Variants in GSDMD observed in about 807,000 individuals in gnomAD.
GSDMD encodes the protein gasdermin D.
GSDMD carries 46 observed loss-of-function variants against 46.7 expected under a neutral mutation model. The ratio of observed to expected loss-of-function variants is 0.99; its 90% CI spans 0.78 to 1.26. The LOEUF (loss-of-function observed/expected upper bound fraction) is 1.26. GSDMD is among the 50% of genes most tolerant of loss of function. The pLI is 0.00. For synonymous variants in GSDMD, 307 were observed against 283.1 expected, an observed-to-expected ratio of 1.08 and a Z score of -0.85; for missense variants, 649 against 638.8, an observed-to-expected ratio of 1.02 and a Z score of -0.17.
upstream of GSDMD, among the ~76,000 whole-genome samples, chr8:143,557,243 T>A (rs1340270408): frequency 6.6e-6 from 1 of 152,222 alleles, no homozygotes; most frequent in Non-Finnish European, 1.5e-5. Flanking sequence ...TGGCCATGTT[T>A]AGTCTATGCA....
Position 143,561,821 on chromosome 8 carries a change from C to T in GSDMD, c.816C>T (p.Phe272=). The change falls in exon 7 of 11, where the codon TTC becomes TTT. Residue 272 remains phenylalanine (F), a synonymous_variant. Transcript: ENST00000262580. The part of the protein sequence containing the change: ...GLSMMRCLHN[F]LTDGVPAEGA... ...CCATGATGAGGTGCCTCCACAACTTCCTGACAGGTCAGTGCCCTCCTGACC... is the reference window on the plus strand; with the variant it reads ...CCATGATGAGGTGCCTCCACAACTTTCTGACAGGTCAGTGCCCTCCTGACC... 1.2e-6 allele frequency: 2 copies of T among 1,610,892 alleles called. No homozygotes were observed. The highest frequency in any genetic ancestry group is 1.7e-6 in the Non-Finnish European group (2 of 1,178,992).
upstream of GSDMD, among the ~76,000 whole-genome samples, chr8:143,556,792 G>A (rs888544136): frequency 1.3e-5 from 2 of 152,254 alleles, no homozygotes; most frequent in Non-Finnish European, 1.5e-5. Context: ...AGCCTGTGCC[G>A]AGACTAGGTG....
intron 3 of GSDMD, 147 bp from the exon 4 acceptor site, chr8:143,560,456 A>T (rs7831485): frequency 1.3e-6 from 1 of 772,048 alleles, no homozygotes; most frequent in South Asian, 1.8e-5. Context: ...CGTGGGGAGC[A>T]CACGGAGAGG....
chr8:143,561,986 C>T lies in GSDMD; in HGVS notation c.851C>T (p.Thr284Ile). ...GGGGTCCCTGCGGAGGGGGCGTTCA[C>T]TGAAGACTTCCAGGGCCTACGGGCA... Reference protein sequence around the residue: ...TDGVPAEGAFTEDFQGLRAEV... With the variant: ...TDGVPAEGAFIEDFQGLRAEV... Residue 284 changes from threonine to isoleucine, a missense_variant, in exon 8 of 11, where the codon ACT becomes ATT. Transcript: ENST00000262580. 1.9e-6 allele frequency: 3 copies of T among 1,608,068 alleles called. No homozygotes were observed. Among genetic ancestry groups the T allele is most frequent in the Non-Finnish European group, 2.5e-6 (3 of 1,178,694 alleles).
In GSDMD at chr8:143,560,632, T is replaced by C; in HGVS notation, c.440T>C (p.Leu147Pro). The change falls in exon 4 of 11, where the codon CTG becomes CCG. Residue 147 changes from leucine (L) to proline (P), a missense_variant. Coordinates refer to ENST00000262580, the MANE Select transcript of GSDMD (RefSeq NM_024736.7). ...CTGCGGCAGCCAGAACACAAAGTCC[T>C]GCAGCAGCTGCGCAGCCGCGGGGAC... ...RHLRQPEHKV[L>P]QQLRSRGDNV... The C allele has an allele frequency of 6.3e-7, 1 of 1,589,646 alleles. No individual in the cohort carries two copies. The highest frequency in any genetic ancestry group is 1.1e-5 in the South Asian group (1 of 87,824).
At chr8:143,562,163 G>A in intron 8 of GSDMD, 32 bp downstream of exon 8, 5 of 1,595,954 alleles carry the variant, frequency 3.1e-6, no homozygotes, top group Non-Finnish European at 2.5e-6. Context: ...GGGCACACAA[G>A]GCCTGCCCAG....
rs201583128 is a variant in GSDMD, at chr8:143,561,371, C to T, written c.684C>T (p.Asp228=). The T allele has an allele frequency of 5.9e-5, 95 of 1,608,104 alleles. No individual in the cohort carries two copies. The Middle Eastern group carries it at 1.2e-3, about 20-fold the overall frequency. Residue 228 remains aspartate (D), a splice_region_variant and synonymous_variant, in exon 6 of 11, where the codon GAC becomes GAT. Coordinates refer to ENST00000262580, the MANE Select transcript of GSDMD (RefSeq NM_024736.7). The part of the protein sequence containing the change: ...VAQLVIDSDL[D]VLLFPDKKQR... Reference sequence around the variant, plus strand: ...TGTCTGCTCCCGTCTGGCTGCCAGACGTCCTTCTCTTCCCGGATAAGAAGC... The same window carrying T: ...TGTCTGCTCCCGTCTGGCTGCCAGATGTCCTTCTCTTCCCGGATAAGAAGC...
Position 143,559,768 on chromosome 8 carries a change from T to C in GSDMD, c.218-9T>C, listed in dbSNP as rs1289624730. 10 of 1,582,870 alleles carry C rather than the reference T, an allele frequency of 6.3e-6. No individual in the cohort carries two copies. The African/African-American group carries it at 1.3e-4, about 21-fold the overall frequency. On this transcript the variant is annotated splice_polypyrimidine_tract_variant and intron_variant, in intron 2 of 10. Transcript: ENST00000262580. ...GCTGGGCACAGCCTCAGGTCTGGCC[T>C]TGCTTTAGACGTGCAGCGTGGCAGG... is the stretch of plus-strand genomic sequence containing the variant.
rs1823494840 is a variant in GSDMD at position 143,562,659 on chromosome 8, C to G, written c.1213-3C>G. On this transcript the variant is annotated splice_region_variant and splice_polypyrimidine_tract_variant and intron_variant, in intron 10 of 10. Transcript: ENST00000262580. Reference sequence around the variant, plus strand: ...CTGACTCACTCCTGCCCTGTCTTGGCAGGTGGGCAGCCTCTTGGAGCAGAG... The same window carrying G: ...CTGACTCACTCCTGCCCTGTCTTGGGAGGTGGGCAGCCTCTTGGAGCAGAG... 1 of 1,606,156 alleles carries G rather than the reference C, an allele frequency of 6.2e-7. No homozygotes were observed. Among genetic ancestry groups the G allele is most frequent in the Non-Finnish European group, 8.5e-7 (1 of 1,177,746 alleles).
intron 6 of GSDMD, 124 bp downstream of exon 6, chr8:143,561,547 C>A: frequency 9.7e-7 from 1 of 1,031,268 alleles, no homozygotes. Flanking sequence ...AGGCGGTGGG[C>A]ACCCCCCATA....
Position 143,562,049 on chromosome 8 carries a change from A to G in GSDMD, c.914A>G (p.Asp305Gly). Residue 305 changes from aspartate (D) to glycine (G), a missense_variant, in exon 8 of 11, where the codon GAC becomes GGC. Coordinates refer to ENST00000262580, the MANE Select transcript of GSDMD (RefSeq NM_024736.7). The stretch of plus-strand genomic sequence containing the variant: ...ATCTCCAAGGAACTGGAGCTTTTGG[A>G]CAGAGAGCTGTGCCAGCTGCTGCTG... ...ETISKELELL[D>G]RELCQLLLEG... is the part of the protein sequence containing the mutation. 6.3e-7 allele frequency: 1 copy of G among 1,598,410 alleles called. No homozygotes were observed. The highest frequency in any genetic ancestry group is 8.5e-7 in the Non-Finnish European group (1 of 1,177,022).
At chr8:143,559,154 T>C in intron 1 of GSDMD, 178 bp from the exon 2 acceptor site, 2 of 604,130 alleles carry the variant, frequency 3.3e-6, no homozygotes, top group Non-Finnish European at 5.9e-6. Flanking sequence ...TAATTCTGTG[T>C]TGGGGAGGGC....
At position 143,562,193 on chromosome 8, in the gene GSDMD, C is replaced by A. The variant is rs1173586643; in HGVS notation, c.997-16C>A. The A allele has an allele frequency of 5.7e-6, 9 of 1,587,614 alleles. No individual in the cohort carries two copies. The highest frequency in any genetic ancestry group is 7.7e-6 in the Non-Finnish European group (9 of 1,173,694). On this transcript the variant is annotated splice_polypyrimidine_tract_variant and intron_variant, in intron 8 of 10. Transcript: ENST00000262580. ...GCCCAGCCAGCCAGACTCACCTGCCCTTCCCGTGCCCACAGCTGGAGCAGG... is the reference window on the plus strand; with the variant it reads ...GCCCAGCCAGCCAGACTCACCTGCCATTCCCGTGCCCACAGCTGGAGCAGG...
chr8:143,554,964 T>A (rs866124302), upstream of GSDMD: 13 of 152,376 alleles, frequency 8.5e-5, no homozygotes, highest in African/African-American at 3.1e-4. Flanking sequence ...GCCAAAGCTC[T>A]CAGGCCTGCC....
At chr8:143,557,333 A>ATGACGAAGGATGCTGCCGCTT (rs1823320696), upstream of GSDMD, among the ~76,000 whole-genome samples, 4 of 45,148 alleles carry the variant, frequency 8.9e-5, no homozygotes, top group African/African-American at 1.6e-4. Context: ...TGCTGCCGCT[A>ATGACGAAGGATGCTGCCGCTT]TGGTGAAGGA....
upstream of GSDMD, among the ~76,000 whole-genome samples, chr8:143,557,238 A>T (rs1823314810): frequency 6.6e-6 from 1 of 152,274 alleles, no homozygotes; most frequent in Non-Finnish European, 1.5e-5. Context: ...TGGACTGGCC[A>T]TGTTTAGTCT....
In GSDMD at chr8:143,562,712, G is replaced by T; in HGVS notation, c.1263G>T (p.Met421Ile). 1 of 1,597,992 alleles carries T rather than the reference G, an allele frequency of 6.3e-7. No individual in the cohort carries two copies. The highest frequency in any genetic ancestry group is 2.3e-5 in the East Asian group (1 of 44,040). Residue 421 changes from methionine (M) to isoleucine (I), a missense_variant, in exon 11 of 11, where the codon ATG becomes ATT. Coordinates refer to ENST00000262580, the MANE Select transcript of GSDMD (RefSeq NM_024736.7). Reference protein sequence around the residue: ...QSAPWQERSTMSLPPGLLGNS... With the variant: ...QSAPWQERSTISLPPGLLGNS... ...CCCCGTGGCAGGAGCGCAGCACCAT[G>T]TCCCTGCCCCCCGGGCTCCTGGGGA...
At chr8:143,554,305 A>G (rs1362936402), upstream of GSDMD, among the ~76,000 whole-genome samples, 1 of 152,270 alleles carries the variant, frequency 6.6e-6, no homozygotes, top group Non-Finnish European at 1.5e-5. Flanking sequence ...GCGGGAGCAC[A>G]TTGGGCAAAT....
At chr8:143,560,201 C>T (rs1405989038) in intron 3 of GSDMD, 1 of 697,314 alleles carries the variant, frequency 1.4e-6, no homozygotes, top group South Asian at 1.5e-5. Flanking sequence ...AAGGTCACAA[C>T]CTTGGGGCAT....
Sources: gnomAD v4.1 joint callset for allele counts (sites outside exome capture counted in the v4.1 genomes callset) on GRCh38, gnomAD v4.1.1 for gene constraint, MANE v1.5 for transcripts, NCBI Gene and HGNC (gene_info 2026-07-23, HGNC 2026-07-21) for gene names.